RAD51B: variants seen among roughly 807,000 people sequenced by gnomAD.
RAD51B encodes the protein RAD51 paralog B, also known as DNA repair protein RAD51 homolog 2.
Under a neutral mutation model 42.2 loss-of-function variants are expected in RAD51B, and 38 were observed. The observed-to-expected ratio is 0.90, with a 90% CI of 0.70 to 1.18. The LOEUF (loss-of-function observed/expected upper bound fraction) is 1.18, where lower values mean the gene tolerates loss of function less well. RAD51B is among the 50% of genes most tolerant of loss of function. The pLI is 0.00. For synonymous variants in RAD51B, 154 were observed against 145.2 expected, an observed-to-expected ratio of 1.06 and a Z score of -0.43; for missense variants, 373 against 400.7, an observed-to-expected ratio of 0.93 and a Z score of 0.59.
exon 11 of RAD51B, chr14:68,594,890 A>G: frequency 9.1e-7 from 1 of 1,097,166 alleles, no homozygotes; most frequent in Non-Finnish European, 1.1e-6. Context: ...ACCATGGAGT[A>G]CATTTTCTCC....
intron 7 of RAD51B, among the ~76,000 whole-genome samples, chr14:68,010,204 C>T (rs1180687001): frequency 6.6e-6 from 1 of 151,786 alleles, no homozygotes; most frequent in Admixed American, 6.6e-5. Context: ...ACCTACCTTT[C>T]CATAGCACTA....
intron 2 of RAD51B, among the ~76,000 whole-genome samples, chr14:67,824,357 A>C (rs2040737122): frequency 6.6e-6 from 1 of 152,106 alleles, no homozygotes; most frequent in Admixed American, 6.5e-5. Context: ...TCCCCGGTTC[A>C]AGTGATTCTC....
At chr14:68,125,354 G>C (rs1280560105) in intron 7 of RAD51B, 1 of 152,178 alleles carries the variant, frequency 6.6e-6, no homozygotes, top group Non-Finnish European at 1.5e-5. Flanking sequence ...ACTGGACTCT[G>C]CTGGCTCATC....
intron 9 of RAD51B, among the ~76,000 whole-genome samples, chr14:68,464,634 A>T (rs1349403826): frequency 6.6e-6 from 1 of 152,204 alleles, no homozygotes; most frequent in East Asian, 1.9e-4. Flanking sequence ...TCACAAGTCC[A>T]CTTAATGGTA....
intron 7 of RAD51B, among the ~76,000 whole-genome samples, chr14:67,966,815 GTA>G (rs1260540601): frequency 6.6e-6 from 1 of 152,090 alleles, no homozygotes; most frequent in Non-Finnish European, 1.5e-5. Context: ...TTTCCTATTA[GTA>G]TGTAGAGATA....
chr14:68,657,854 AC>A (rs1288594174), intron 11 of RAD51B, among the ~76,000 whole-genome samples: 2 of 152,200 alleles, frequency 1.3e-5, no homozygotes, highest in Non-Finnish European at 2.9e-5. Context: ...AGCCTGGTGG[AC>A]CCAGGCTGGA....
intron 7 of RAD51B, among the ~76,000 whole-genome samples, chr14:68,089,446 A>T (rs1031981060): frequency 7.2e-5 from 11 of 152,066 alleles, no homozygotes; most frequent in Non-Finnish European, 1.5e-4. Flanking sequence ...ACAGTTCTCC[A>T]TCTTCATTAG....
intron 7 of RAD51B, among the ~76,000 whole-genome samples, chr14:68,122,962 C>CAT: frequency 6.8e-6 from 1 of 147,986 alleles, no homozygotes; most frequent in East Asian, 1.9e-4. Flanking sequence ...ATAAAACAAA[C>CAT]ACACACACAC....
At chr14:68,243,428 A>T (rs2080433051) in intron 7 of RAD51B, among the ~76,000 whole-genome samples, 1 of 152,152 alleles carries the variant, frequency 6.6e-6, no homozygotes, top group East Asian at 1.9e-4. Context: ...AGCTTCTAAG[A>T]ATTATTGAGT....
At chr14:68,329,396 T>C (rs892662308) in intron 8 of RAD51B, among the ~76,000 whole-genome samples, 2 of 152,212 alleles carry the variant, frequency 1.3e-5, no homozygotes, top group Non-Finnish European at 2.9e-5. Flanking sequence ...CAACAACTTC[T>C]GGGATCCACA....
At chr14:68,237,645 AT>A (rs151325686) in intron 7 of RAD51B, among the ~76,000 whole-genome samples, 4 of 149,394 alleles carry the variant, frequency 2.7e-5, no homozygotes, top group African/African-American at 9.9e-5. Context: ...TGGATTTGAG[AT>A]TTTTTTCTGC....
chr14:68,353,206 G>A (rs943203292), intron 8 of RAD51B, among the ~76,000 whole-genome samples: 5 of 152,136 alleles, frequency 3.3e-5, no homozygotes, highest in Admixed American at 6.5e-5. Context: ...CTGGCATCGT[G>A]GCACAACTGC....
At chr14:68,249,088 A>G (rs1342508917) in intron 7 of RAD51B, among the ~76,000 whole-genome samples, 1 of 152,230 alleles carries the variant, frequency 6.6e-6, no homozygotes, top group Non-Finnish European at 1.5e-5. Flanking sequence ...TTTAAAGAGC[A>G]GTCTGATCCT....
chr14:68,315,860 A>G (rs1263134530), intron 8 of RAD51B, among the ~76,000 whole-genome samples: 1 of 152,096 alleles, frequency 6.6e-6, no homozygotes, highest in Non-Finnish European at 1.5e-5. Flanking sequence ...CTTTATATTA[A>G]TTTTCTACTA....
chr14:67,887,498 G>A (rs1173241629), intron 7 of RAD51B: 2 of 229,450 alleles, frequency 8.7e-6, no homozygotes, highest in Non-Finnish European at 1.7e-5. Context: ...CTCTTTGTGT[G>A]TGCTTTGTAT....
chr14:68,632,036 C>T (rs770483896), intron 10 of RAD51B, among the ~76,000 whole-genome samples: 9 of 152,254 alleles, frequency 5.9e-5, no homozygotes, highest in African/African-American at 1.9e-4. Flanking sequence ...CAGCAAAACA[C>T]TGTTGACCTT....
chr14:68,050,303 TC>T (rs1378421673), intron 7 of RAD51B, among the ~76,000 whole-genome samples: 1 of 151,864 alleles, frequency 6.6e-6, no homozygotes, highest in African/African-American at 2.4e-5. Context: ...TCTGTCCTCT[TC>T]CCCATCACCC....
chr14:68,443,851 A>AC (rs1372092053), intron 9 of RAD51B, among the ~76,000 whole-genome samples: 4 of 152,144 alleles, frequency 2.6e-5, no homozygotes, highest in Non-Finnish European at 5.9e-5. Flanking sequence ...TAAAAAAAAA[A>AC]AACAAAACTT....
chr14:68,626,757 A>T (rs1892092281), intron 10 of RAD51B, among the ~76,000 whole-genome samples: 1 of 152,236 alleles, frequency 6.6e-6, no homozygotes, highest in African/African-American at 2.4e-5. Flanking sequence ...AAGTTCCAGA[A>T]TGTTGCTCCT....
Sources: allele counts gnomAD v4.1 joint callset (sites outside exome capture counted in the v4.1 genomes callset), GRCh38; gene constraint gnomAD v4.1.1; transcripts MANE v1.5; gene names NCBI Gene and HGNC (gene_info 2026-07-23, HGNC 2026-07-21).